The following PREP variants were observed in gnomAD, a reference collection of about 807,000 sequenced individuals.
The protein encoded by PREP is prolyl endopeptidase.
A neutral mutation model predicts 87.6 loss-of-function variants in PREP; 29 were observed. The observed-to-expected ratio is 0.33, with a 90% CI of 0.25 to 0.45. The LOEUF (loss-of-function observed/expected upper bound fraction) is 0.45, where lower values mean the gene tolerates loss of function less well. PREP is among the 20% of genes least tolerant of loss of function. The pLI is 1.00. For synonymous variants in PREP, 337 were observed against 328.6 expected, an observed-to-expected ratio of 1.03 and a Z score of -0.28; for missense variants, 695 against 886.5, an observed-to-expected ratio of 0.78 and a Z score of 2.74.
chr6:105,309,437 C>T (rs1267342096), intron 10 of PREP, among the ~76,000 whole-genome samples: 1 of 152,098 alleles, frequency 6.6e-6, no homozygotes, highest in Non-Finnish European at 1.5e-5. Flanking sequence ...GCAAACTCTG[C>T]CACCCGGGTT....
intron 7 of PREP, 70 bp from the exon 8 acceptor site, chr6:105,333,575 G>C (rs1218119013): frequency 1.4e-6 from 2 of 1,460,846 alleles, no homozygotes; most frequent in Non-Finnish European, 9.5e-7. Flanking sequence ...TGTGTAGGGA[G>C]GGGAGGGTGG....
chr6:105,370,413 C>G (rs1376693590), intron 5 of PREP, among the ~76,000 whole-genome samples: 1 of 151,724 alleles, frequency 6.6e-6, no homozygotes, highest in East Asian at 1.9e-4. Flanking sequence ...ACAAGAGGAA[C>G]TCTCATTCAT....
chr6:105,278,067 C>T lies in PREP; in HGVS notation c.*77G>A. On this transcript the variant is annotated 3_prime_UTR_variant, in exon 15 of 15. Transcript: ENST00000652536. The surrounding 1 kb of genome is among the most constrained non-coding windows in gnomAD (Gnocchi z 4.2). ...AATGTTCCCGTGGGGAAGCATTATG[C>T]CCAGTGGTTTCTTGGTGTCAACGTG... 6.6e-7 allele frequency: 1 copy of T among 1,513,850 alleles called. No individual in the cohort carries two copies. The allele number at this position is 1,513,850 out of a possible 1,614,324, so 93.8% of individuals were successfully genotyped here. A position where few individuals can be genotyped will look rare whatever the true frequency, so the allele number is the denominator to read the frequency against.
chr6:105,304,139 T>C (rs1242085940), intron 10 of PREP, among the ~76,000 whole-genome samples: 1 of 152,082 alleles, frequency 6.6e-6, no homozygotes, highest in African/African-American at 2.4e-5. Flanking sequence ...AAAATAATAA[T>C]ACAACAATAA....
chr6:105,391,034 TACACAC>T lies in PREP; in HGVS notation c.120+6813_120+6818del, dbSNP rs59538588. 2.2e-4 allele frequency among the ~76,000 whole-genome samples: 31 copies of T among 141,386 alleles called. No individual in the cohort carries two copies. In the East Asian group the frequency reaches 2.2e-3, roughly 10 times the overall value. 92.8% of individuals were successfully genotyped at this position (141,386 alleles called of 152,430 possible). A position where few individuals can be genotyped will look rare whatever the true frequency, so the allele number is the denominator to read the frequency against. On this transcript the variant is annotated intron_variant, in intron 2 of 14. Coordinates refer to ENST00000652536, the MANE Select transcript of PREP (RefSeq NM_002726.5). ...TGATTTATCTAAGTCTCTGGTTTTA[TACACAC>T]ACACACACACACACACACACTTTTT...
At chr6:105,383,750 C>T (rs1772912049) in intron 2 of PREP, among the ~76,000 whole-genome samples, 1 of 152,102 alleles carries the variant, frequency 6.6e-6, no homozygotes, top group South Asian at 2.1e-4. Flanking sequence ...GAAACCGTCA[C>T]TCCGACCTGA....
intron 2 of PREP, among the ~76,000 whole-genome samples, chr6:105,382,130 G>A (rs891512944): frequency 6.6e-6 from 1 of 151,876 alleles, no homozygotes; most frequent in African/African-American, 2.4e-5. Context: ...GTAAAATGGT[G>A]TTTACCAGAG....
In PREP at chr6:105,380,738, GGTCTTGGCTGGC is replaced by G. The variant is rs199630179; in HGVS notation, c.121-3231_121-3220del. ...CCACACAAGACCCCAGCATGCTGAGGGTCTTGGCTGGCTCCTGCACTTCCACGGAGGGATTCT... is the reference window on the plus strand; with the variant it reads ...CCACACAAGACCCCAGCATGCTGAGGTCCTGCACTTCCACGGAGGGATTCT... On this transcript the variant is annotated intron_variant, in intron 2 of 14. Transcript: ENST00000652536. 7.6e-3 allele frequency among the ~76,000 whole-genome samples: 1,153 copies of G among 152,234 alleles called. 14 individuals are homozygous for G. Among genetic ancestry groups the G allele is most frequent in the African/African-American group, 0.025 (1,041 of 41,522 alleles).
intron 10 of PREP, among the ~76,000 whole-genome samples, chr6:105,295,913 C>T (rs1330429637): frequency 1.3e-5 from 2 of 152,116 alleles, no homozygotes; most frequent in Non-Finnish European, 2.9e-5. Flanking sequence ...TTAGGCTATT[C>T]TTTATGTTCT....
intron 2 of PREP, among the ~76,000 whole-genome samples, chr6:105,382,335 A>G (rs1181783044): frequency 6.6e-6 from 1 of 151,466 alleles, no homozygotes; most frequent in Admixed American, 6.6e-5. Flanking sequence ...GTAATTACAC[A>G]TATGTTAAAT....
In PREP at chr6:105,278,349, C is replaced by T. The variant is rs746163142; in HGVS notation, c.1928G>A (p.Arg643His). The change falls in exon 15 of 15, where the codon CGC (arginine) becomes CAC (histidine). Residue 643 changes from arginine to histidine, a missense_variant. This residue lies in a region of PREP where 121 missense variants were observed against 154.8 expected (regional missense o/e 0.78). Coordinates refer to ENST00000652536, the MANE Select transcript of PREP (RefSeq NM_002726.5). This position sits in a 1 kb window ranked among gnomAD's most constrained non-coding sequence, Gnocchi z 4.2. ...CTTCAGGGAGTGAAGCGGGACCACG[C>T]GGTCATCATGGTCAGCAGTGAGGAG... is the stretch of plus-strand genomic sequence containing the variant. ...MLLLTADHDDRVVPLHSLKFI... is the reference protein window; with the variant it reads ...MLLLTADHDDHVVPLHSLKFI... 2.5e-6 allele frequency: 4 copies of T among 1,614,026 alleles called. No homozygotes were observed. The highest frequency in any genetic ancestry group is 1.3e-5 in the African/African-American group (1 of 74,936).
chr6:105,341,214 G>C (rs1010171260), intron 7 of PREP, among the ~76,000 whole-genome samples: 1 of 152,164 alleles, frequency 6.6e-6, no homozygotes, highest in Non-Finnish European at 1.5e-5. Flanking sequence ...AATCAAATTA[G>C]AGCTCAGGAT....
chr6:105,344,926 C>G (rs1009984371), intron 7 of PREP, among the ~76,000 whole-genome samples: 1 of 152,194 alleles, frequency 6.6e-6, no homozygotes, highest in Non-Finnish European at 1.5e-5. Context: ...AAGCATTAAC[C>G]TTAGCCATAA....
chr6:105,304,025 T>G lies in PREP; in HGVS notation c.1318-15131A>C, dbSNP rs573648410. 2.6e-5 allele frequency among the ~76,000 whole-genome samples: 4 copies of G among 152,372 alleles called. No individual in the cohort carries two copies. The South Asian group carries it at 8.3e-4, about 32-fold the overall frequency. On this transcript the variant is annotated intron_variant, in intron 10 of 14. Coordinates refer to ENST00000652536, the MANE Select transcript of PREP (RefSeq NM_002726.5). Reference sequence around the variant, plus strand: ...GGGCTTTAAAAATATTCTCTCATTTTAATCCAAATATGAGGTCTATACAGT... The same window carrying G: ...GGGCTTTAAAAATATTCTCTCATTTGAATCCAAATATGAGGTCTATACAGT...
intron 7 of PREP, among the ~76,000 whole-genome samples, chr6:105,339,534 A>T (rs1934265251): frequency 6.6e-6 from 1 of 152,236 alleles, no homozygotes; most frequent in African/African-American, 2.4e-5. Flanking sequence ...ATGGAGAATG[A>T]CTTTGACGAG....
intron 7 of PREP, among the ~76,000 whole-genome samples, chr6:105,340,795 G>A (rs932164544): frequency 6.6e-6 from 1 of 152,134 alleles, no homozygotes; most frequent in Non-Finnish European, 1.5e-5. Flanking sequence ...GACAAAGAAG[G>A]CCATTACATA....
At position 105,277,987 on chromosome 6, in the gene PREP, A is replaced by AAAGAT. The variant is rs1277022145; in HGVS notation, c.*152_*156dup. 9 of 1,066,456 alleles carry AAAGAT rather than the reference A, an allele frequency of 8.4e-6. No individual in the cohort carries two copies. The highest frequency in any genetic ancestry group is 4.8e-5 in the African/African-American group (3 of 62,606). The allele number at this position is 1,066,456 out of a possible 1,614,324, so 66.1% of individuals were successfully genotyped here. On this transcript the variant is annotated 3_prime_UTR_variant, in exon 15 of 15. Coordinates refer to ENST00000652536, the MANE Select transcript of PREP (RefSeq NM_002726.5). ...CCTTGCTAAAAAGGAGAAGCCTAAA[A>AAAGAT]AAGATAAAATTCCCACGGCAGTTCT...
chr6:105,360,645 A>G (rs1772222142), intron 6 of PREP, among the ~76,000 whole-genome samples: 1 of 152,240 alleles, frequency 6.6e-6, no homozygotes, highest in Non-Finnish European at 1.5e-5. Flanking sequence ...CATATTTTAT[A>G]CTTAACTCTA....
At chr6:105,367,696 G>A (rs1261650675) in intron 6 of PREP, among the ~76,000 whole-genome samples, 5 of 150,528 alleles carry the variant, frequency 3.3e-5, no homozygotes, top group Non-Finnish European at 5.9e-5. Context: ...AAAGAAAAAC[G>A]GACAAATTTT....
Sources: allele counts gnomAD v4.1 joint callset (sites outside exome capture counted in the v4.1 genomes callset), GRCh38; gene constraint gnomAD v4.1.1; regional missense constraint gnomAD v4.1.1; non-coding constraint Gnocchi (gnomAD v3.1); transcripts MANE v1.5; gene names NCBI Gene and HGNC (gene_info 2026-07-23, HGNC 2026-07-21).